Variants in ZNF667 observed in about 807,000 individuals in gnomAD.
ZNF667 encodes the protein zinc finger protein 667.
Under a neutral mutation model 31.8 loss-of-function variants are expected in ZNF667, and 13 were observed. The observed-to-expected ratio is 0.41, with a 90% CI of 0.27 to 0.65. The LOEUF (loss-of-function observed/expected upper bound fraction) is 0.65. Ranked by LOEUF, ZNF667 falls within the 30% of genes least tolerant of loss-of-function variation. ZNF667 has a pLI of 0.32. For missense variants in ZNF667, 642 were observed against 725.6 expected (o/e 0.88, Z 1.32); for synonymous variants, 228 against 247.1 (o/e 0.92, Z 0.73).
intron 4 of ZNF667, 60 bp downstream of exon 4, chr19:56,462,278 T>C: frequency 1.9e-6 from 3 of 1,602,514 alleles, no homozygotes; most frequent in Non-Finnish European, 2.6e-6. Context: ...GGAAAGCAAA[T>C]GGTCCACATC....
At chr19:56,460,567 A>T in intron 5 of ZNF667, 122 bp downstream of exon 5, 4 of 1,123,756 alleles carry the variant, frequency 3.6e-6, no homozygotes, top group Non-Finnish European at 4.9e-6. Context: ...TATGTGAATT[A>T]TATCTCAATA....
Position 56,440,285 on chromosome 19 carries a change from T to C in ZNF667, c.*877A>G, listed in dbSNP as rs574298573. The C allele has an allele frequency of 1.3e-5, 2 of 152,360 alleles. No individual in the cohort carries two copies. The highest frequency in any genetic ancestry group is 2.4e-5 in the African/African-American group (1 of 41,582). The allele number at this position is 152,360 out of a possible 1,614,324, so 9.4% of individuals were successfully genotyped here. A position where few individuals can be genotyped will look rare whatever the true frequency, so the allele number is the denominator to read the frequency against. ...CACTATATCTTGGTTCTTTTACTGA[T>C]AGCTTGTCTCAGCCAAGTTAGACGT... On this transcript the variant is annotated 3_prime_UTR_variant, in exon 7 of 7. Transcript: ENST00000504904.
At position 56,441,784 on chromosome 19, in the gene ZNF667, T is replaced by C. The variant is rs1350958508; in HGVS notation, c.1211A>G (p.His404Arg). 1.2e-6 allele frequency: 2 copies of C among 1,614,086 alleles called. No individual in the cohort carries two copies. Among genetic ancestry groups the C allele is most frequent in the Admixed American group, 1.7e-5 (1 of 60,004 alleles). ...CTTTTTCTTTGTATGAACTTTCTGATGTTGAATAAGGGATGAATGCCGATT... is the reference window on the plus strand; with the variant it reads ...CTTTTTCTTTGTATGAACTTTCTGACGTTGAATAAGGGATGAATGCCGATT... ...VCNRHSSLIQ[H>R]QKVHTKKKKL... is the part of the protein sequence containing the mutation. The change falls in exon 7 of 7, where the codon CAT becomes CGT. Residue 404 changes from histidine (H) to arginine (R), a missense_variant. Transcript: ENST00000504904. The surrounding 1 kb of genome is among the most constrained non-coding windows in gnomAD (Gnocchi z 4.2).
chr19:56,461,503 C>A (rs2043044179), intron 4 of ZNF667, among the ~76,000 whole-genome samples: 1 of 152,260 alleles, frequency 6.6e-6, no homozygotes, highest in South Asian at 2.1e-4. Context: ...AGGACCTGAG[C>A]CCCAAATGAG....
At chr19:56,448,310 G>A (rs1022286397) in intron 6 of ZNF667, among the ~76,000 whole-genome samples, 4 of 152,100 alleles carry the variant, frequency 2.6e-5, no homozygotes, top group African/African-American at 9.7e-5. Flanking sequence ...CCTAAGAATT[G>A]TCCACCACAG....
intron 1 of ZNF667, among the ~76,000 whole-genome samples, chr19:56,476,252 A>C (rs952714458): frequency 2.6e-5 from 4 of 152,162 alleles, no homozygotes; most frequent in African/African-American, 9.7e-5. Flanking sequence ...AAGGGGACAC[A>C]ACCATACTTA....
At position 56,476,505 on chromosome 19, in the gene ZNF667, C is replaced by T. The variant is rs573784945; in HGVS notation, c.-662+767G>A. On this transcript the variant is annotated intron_variant, in intron 1 of 6. Transcript: ENST00000504904. ...CAGCACCATAACCAACACCTAAACA[C>T]GGTGATTAGTATGTGACAAGCTCTG... is the stretch of plus-strand genomic sequence containing the variant. 8.5e-5 allele frequency among the ~76,000 whole-genome samples: 13 copies of T among 152,320 alleles called. No homozygotes were observed. In the East Asian group the frequency reaches 1.7e-3, roughly 20 times the overall value.
At chr19:56,450,180 C>G (rs1016178429) in intron 6 of ZNF667, among the ~76,000 whole-genome samples, 2 of 152,172 alleles carry the variant, frequency 1.3e-5, no homozygotes, top group South Asian at 4.1e-4. Context: ...ATTTAATAAA[C>G]TCCCAAATGT....
chr19:56,454,568 A>G (rs2042894968), intron 6 of ZNF667, among the ~76,000 whole-genome samples: 1 of 151,716 alleles, frequency 6.6e-6, no homozygotes. Context: ...TGTTACAAAT[A>G]TATATTGGGG....
At chr19:56,450,723 A>G (rs4801162) in intron 6 of ZNF667, among the ~76,000 whole-genome samples, 143,745 of 152,302 alleles carry the variant, frequency 0.94, 67,913 homozygotes, top group East Asian at 1. Flanking sequence ...CAGAGGAGAT[A>G]AATTTAAAGT....
chr19:56,441,493 C>G lies in ZNF667; in HGVS notation c.1502G>C (p.Cys501Ser). 2 of 1,614,190 alleles carry G rather than the reference C, an allele frequency of 1.2e-6. No homozygotes were observed. Among genetic ancestry groups the G allele is most frequent in the African/African-American group, 2.7e-5 (2 of 75,048 alleles). ...RIHTEDRPYECDQCGKAFSQS... is the reference protein window; with the variant it reads ...RIHTEDRPYESDQCGKAFSQS... Reference sequence around the variant, plus strand: ...GCTGAAGGCCTTCCCACACTGATCACATTCATAGGGTCTATCTTCAGTATG... The same window carrying G: ...GCTGAAGGCCTTCCCACACTGATCAGATTCATAGGGTCTATCTTCAGTATG... The change falls in exon 7 of 7, where the codon TGT becomes TCT. Residue 501 changes from cysteine to serine, a missense_variant. By Grantham distance (112) the Cys-to-Ser change is moderately radical (BLOSUM62 -1). Transcript: ENST00000504904. The surrounding 1 kb of genome is among the most constrained non-coding windows in gnomAD (Gnocchi z 4.2).
At position 56,440,851 on chromosome 19, in the gene ZNF667, T is replaced by C. The variant is rs1036542001; in HGVS notation, c.*311A>G. On this transcript the variant is annotated 3_prime_UTR_variant, in exon 7 of 7. Coordinates refer to ENST00000504904, the MANE Select transcript of ZNF667 (RefSeq NM_001321356.2). ...AGGGTTTCACCGTGGTCTCAAACTC[T>C]TGACCTCGTGATCCGCCTGTCTCAG... 2.1e-5 allele frequency: 22 copies of C among 1,031,176 alleles called. No individual in the cohort carries two copies. Among genetic ancestry groups the C allele is most frequent in the Non-Finnish European group, 2.5e-5 (21 of 832,986 alleles). The allele number at this position is 1,031,176 out of a possible 1,614,324, so 63.9% of individuals were successfully genotyped here.
intron 4 of ZNF667, among the ~76,000 whole-genome samples, chr19:56,461,819 C>G (rs562431370): frequency 2.0e-5 from 3 of 152,232 alleles, no homozygotes; most frequent in Non-Finnish European, 4.4e-5. Flanking sequence ...ACTGCCTGCA[C>G]CAGTGCAGTC....
rs1220181822 is a variant in ZNF667 at position 56,462,544 on chromosome 19, C to T, written c.-59-115G>A. 1.1e-5 allele frequency: 8 copies of T among 700,456 alleles called. No homozygotes were observed. The South Asian group carries it at 1.2e-4, about 10-fold the overall frequency. The allele number at this position is 700,456 out of a possible 1,614,324, so 43.4% of individuals were successfully genotyped here. ...ACACATATGCACGTGCACACACACACACAGATGTCAGAACACCTGGCGCAT... is the reference window on the plus strand; with the variant it reads ...ACACATATGCACGTGCACACACACATACAGATGTCAGAACACCTGGCGCAT... On this transcript the variant is annotated intron_variant, in intron 3 of 6. Coordinates refer to ENST00000504904, the MANE Select transcript of ZNF667 (RefSeq NM_001321356.2).
intron 5 of ZNF667, among the ~76,000 whole-genome samples, chr19:56,459,754 G>T (rs1266796161): frequency 6.6e-6 from 1 of 152,232 alleles, no homozygotes; most frequent in African/African-American, 2.4e-5. Context: ...AGCACTTTGG[G>T]AGGCCGAGGT....
chr19:56,475,368 T>A (rs564350064), intron 1 of ZNF667: 38 of 152,474 alleles, frequency 2.5e-4, no homozygotes, highest in African/African-American at 8.9e-4. Context: ...TATCCTTTTA[T>A]CATCTCTCCG....
chr19:56,464,160 C>A (rs1430374394), intron 3 of ZNF667, among the ~76,000 whole-genome samples: 3 of 152,136 alleles, frequency 2.0e-5, no homozygotes, highest in African/African-American at 7.2e-5. Context: ...TCATTGATAA[C>A]TGTTTATATT....
At position 56,458,077 on chromosome 19, in the gene ZNF667, T is replaced by G. The variant is rs1600430125; in HGVS notation, c.253+78A>C. The G allele has an allele frequency of 1.2e-5, 16 of 1,281,578 alleles. No homozygotes were observed. The Admixed American group carries it at 1.9e-4, about 15-fold the overall frequency. The allele number at this position is 1,281,578 out of a possible 1,614,324, so 79.4% of individuals were successfully genotyped here. A position where few individuals can be genotyped will look rare whatever the true frequency, so the allele number is the denominator to read the frequency against. ...GTGAGAAGTAGATTTCTGGTGTTTG[T>G]AAGTCACCTAATATATGGCATTCTG... On this transcript the variant is annotated intron_variant, in intron 6 of 6. Transcript: ENST00000504904.
At chr19:56,449,775 T>A (rs35614616) in intron 6 of ZNF667, 67,716 of 150,980 alleles carry the variant, frequency 0.45, 15,647 homozygotes, top group Middle Eastern at 0.56. Context: ...AGATAAATTT[T>A]AAAAAGACAT....
Sources: allele counts gnomAD v4.1 joint callset (sites outside exome capture counted in the v4.1 genomes callset), GRCh38; gene constraint gnomAD v4.1.1; non-coding constraint Gnocchi (gnomAD v3.1); transcripts MANE v1.5; gene names NCBI Gene and HGNC (gene_info 2026-07-23, HGNC 2026-07-21).